The following FAF1 variants were observed in gnomAD, a reference collection of about 807,000 sequenced individuals.
FAF1 encodes the protein FAS-associated factor 1.
In FAF1, 25 loss-of-function variants were observed where a neutral mutation model predicts 92.5. The ratio of observed to expected loss-of-function variants is 0.27; its 90% confidence interval spans 0.20 to 0.38. FAF1 has a LOEUF of 0.38. Ranked by LOEUF, FAF1 falls within the 10% of genes least tolerant of loss-of-function variation. The pLI is 1.00. For synonymous variants in FAF1, 234 were observed against 273.2 expected (o/e 0.86, Z 1.42); for missense variants, 636 against 793.3 (o/e 0.80, Z 2.38).
chr1:50,716,009 TTA>T (rs1400413249), intron 6 of FAF1, among the ~76,000 whole-genome samples: 2 of 152,174 alleles, frequency 1.3e-5, no homozygotes, highest in African/African-American at 4.8e-5. Flanking sequence ...TTGACTGAGT[TTA>T]TGTCTCATTC....
At chr1:50,620,580 C>T (rs1425583502) in intron 8 of FAF1, among the ~76,000 whole-genome samples, 1 of 152,120 alleles carries the variant, frequency 6.6e-6, no homozygotes, top group East Asian at 1.9e-4. Context: ...TGGTTAAGAA[C>T]CATTGTTGGG....
chr1:50,833,121 C>T (rs1644169502), intron 2 of FAF1, among the ~76,000 whole-genome samples: 1 of 152,114 alleles, frequency 6.6e-6, no homozygotes, highest in African/African-American at 2.4e-5. Context: ...CTGACACTAA[C>T]TACCCAGAGT....
At chr1:50,693,532 TAGAA>T (rs1220761841) in intron 7 of FAF1, among the ~76,000 whole-genome samples, 1 of 152,162 alleles carries the variant, frequency 6.6e-6, no homozygotes, top group East Asian at 1.9e-4. Context: ...TCTTATGTAT[TAGAA>T]AGCCTTGTTA....
chr1:50,858,706 T>G (rs1280782802), intron 1 of FAF1, among the ~76,000 whole-genome samples: 10 of 151,870 alleles, frequency 6.6e-5, no homozygotes, highest in African/African-American at 2.2e-4. Context: ...ACATAAATAC[T>G]AAGAAAAAAT....
chr1:50,524,768 T>G (rs1647704674), intron 15 of FAF1, among the ~76,000 whole-genome samples: 1 of 152,198 alleles, frequency 6.6e-6, no homozygotes. Flanking sequence ...ACCAGTACCA[T>G]GTTATTTTGG....
intron 3 of FAF1, among the ~76,000 whole-genome samples, chr1:50,794,897 A>C (rs1372476389): frequency 6.6e-6 from 1 of 151,118 alleles, no homozygotes; most frequent in Non-Finnish European, 1.5e-5. Flanking sequence ...TTGGCCTCCC[A>C]AAGTGCTGGG....
At chr1:50,632,928 T>C (rs982053435) in intron 8 of FAF1, among the ~76,000 whole-genome samples, 2 of 152,186 alleles carry the variant, frequency 1.3e-5, no homozygotes, top group African/African-American at 4.8e-5. Flanking sequence ...CTTCTCAGTG[T>C]TCTTCTCCAT....
chr1:50,512,762 T>C (rs987733799), intron 15 of FAF1, among the ~76,000 whole-genome samples: 1 of 152,218 alleles, frequency 6.6e-6, no homozygotes, highest in African/African-American at 2.4e-5. Context: ...TTTTTTCTAA[T>C]TCTGTGAAGA....
intron 15 of FAF1, among the ~76,000 whole-genome samples, chr1:50,511,815 G>A (rs565088320): frequency 7.2e-4 from 109 of 152,190 alleles, no homozygotes; most frequent in Non-Finnish European, 1.2e-3. Context: ...TTGAGGAATC[G>A]CCACACTGTC....
At chr1:50,936,656 G>A (rs1455043445) in intron 1 of FAF1, among the ~76,000 whole-genome samples, 1 of 152,182 alleles carries the variant, frequency 6.6e-6, no homozygotes, top group Non-Finnish European at 1.5e-5. Flanking sequence ...ACAGAAATGA[G>A]GCTGCTGCTT....
chr1:50,797,334 C>A (rs760361362), intron 3 of FAF1, among the ~76,000 whole-genome samples: 1 of 152,158 alleles, frequency 6.6e-6, no homozygotes, highest in Non-Finnish European at 1.5e-5. Flanking sequence ...CCTTGCTATT[C>A]TTTTCTATTT....
chr1:50,612,070 T>C (rs965624842), intron 8 of FAF1, among the ~76,000 whole-genome samples: 1 of 152,234 alleles, frequency 6.6e-6, no homozygotes, highest in South Asian at 2.1e-4. Context: ...TTTCAGTATC[T>C]TAATAGTTTG....
At chr1:50,689,866 G>C (rs187534179) in intron 7 of FAF1, among the ~76,000 whole-genome samples, 5 of 151,846 alleles carry the variant, frequency 3.3e-5, no homozygotes, top group Admixed American at 3.3e-4. Flanking sequence ...TGTAGGGAGA[G>C]GTAATACAAC....
chr1:50,570,148 G>T (rs536475401), intron 12 of FAF1, among the ~76,000 whole-genome samples: 41 of 152,250 alleles, frequency 2.7e-4, no homozygotes, highest in Admixed American at 2.5e-3. Flanking sequence ...TAAGCCTCTA[G>T]CTCCTAGAGA....
At chr1:50,535,029 T>G (rs777777586) in intron 15 of FAF1, among the ~76,000 whole-genome samples, 5 of 152,180 alleles carry the variant, frequency 3.3e-5, no homozygotes, top group Non-Finnish European at 5.9e-5. Context: ...ACCATAAAAC[T>G]GAGTGATAAA....
At chr1:50,595,808 G>A (rs952585455) in intron 9 of FAF1, among the ~76,000 whole-genome samples, 7 of 152,170 alleles carry the variant, frequency 4.6e-5, no homozygotes, top group African/African-American at 1.7e-4. Context: ...CATCCAAAGT[G>A]CTGGGATTAC....
intron 1 of FAF1, among the ~76,000 whole-genome samples, chr1:50,881,774 CCACAGAGGATTATAT>C (rs1188551658): frequency 6.6e-6 from 1 of 152,136 alleles, no homozygotes; most frequent in Non-Finnish European, 1.5e-5. Context: ...ATTTCATCTA[CCACAGAGGATTATAT>C]TAAATGCCTA....
chr1:50,846,437 G>A (rs543974236), intron 2 of FAF1: 10 of 402,992 alleles, frequency 2.5e-5, no homozygotes, highest in East Asian at 2.3e-4. Flanking sequence ...GAACCAGCTC[G>A]CTTCCGAGCC....
intron 6 of FAF1, among the ~76,000 whole-genome samples, chr1:50,717,926 C>T (rs1658244070): frequency 6.6e-6 from 1 of 151,972 alleles, no homozygotes; most frequent in Admixed American, 6.6e-5. Flanking sequence ...CCTGAATAAT[C>T]GAATAGTGAC....
Sources: gnomAD v4.1 joint callset for allele counts (sites outside exome capture counted in the v4.1 genomes callset) on GRCh38, gnomAD v4.1.1 for gene constraint, MANE v1.5 for transcripts, NCBI Gene and HGNC (gene_info 2026-07-23, HGNC 2026-07-21) for gene names.